Variants in DRC11 observed in about 807,000 individuals in gnomAD.
DRC11 encodes the protein IQ and AAA domain-containing protein 1.
chr2:236,460,672 C>T, the DRC11 span, among the ~76,000 whole-genome samples: 1 of 152,190 alleles, frequency 6.6e-6, no homozygotes, highest in Non-Finnish European at 1.5e-5. The surrounding 1 kb of genome is among the most constrained non-coding windows in gnomAD (Gnocchi z 4.0). Context: ...AACCCCACCA[C>T]TCTAGCGGCT....
chr2:236,491,371 T>A, the DRC11 span, among the ~76,000 whole-genome samples: 1 of 149,920 alleles, frequency 6.7e-6, no homozygotes, highest in East Asian at 2.0e-4. Flanking sequence ...TCTGAGCCCC[T>A]GGCACATGTG....
the DRC11 span, among the ~76,000 whole-genome samples, chr2:236,486,255 T>G: frequency 6.6e-6 from 1 of 152,156 alleles, no homozygotes; most frequent in Non-Finnish European, 1.5e-5. The surrounding 1 kb of genome is among the most constrained non-coding windows in gnomAD (Gnocchi z 5.7). Context: ...CAGTTGATCC[T>G]CAGTTGAGAC....
chr2:236,318,766 G>A, the DRC11 span, among the ~76,000 whole-genome samples: 1 of 152,116 alleles, frequency 6.6e-6, no homozygotes, highest in African/African-American at 2.4e-5. The surrounding 1 kb of genome is among the most constrained non-coding windows in gnomAD (Gnocchi z 7.0). Flanking sequence ...GTATGTATGT[G>A]TGCCGCCAGA....
At chr2:236,363,926 C>T in the DRC11 span, 17 of 1,613,980 alleles carry the variant, frequency 1.1e-5, no homozygotes, top group East Asian at 1.8e-4. The surrounding 1 kb of genome is among the most constrained non-coding windows in gnomAD (Gnocchi z 5.6). Flanking sequence ...CCAGACGGCC[C>T]GGCTAACAGT....
the DRC11 span, chr2:236,331,524 C>T: frequency 6.2e-7 from 1 of 1,613,994 alleles, no homozygotes; most frequent in Non-Finnish European, 8.5e-7. The surrounding 1 kb of genome is among the most constrained non-coding windows in gnomAD (Gnocchi z 4.8). Flanking sequence ...CGTCAGTGAC[C>T]TTCGCCAGGC....
the DRC11 span, among the ~76,000 whole-genome samples, chr2:236,500,113 GAT>G: frequency 1.8e-4 from 27 of 151,074 alleles, no homozygotes; most frequent in African/African-American, 6.2e-4. The surrounding 1 kb of genome is among the most constrained non-coding windows in gnomAD (Gnocchi z 6.3). Flanking sequence ...TGATGATGAT[GAT>G]GATGGCGAAG....
chr2:236,401,926 A>G, the DRC11 span, among the ~76,000 whole-genome samples: 1 of 152,130 alleles, frequency 6.6e-6, no homozygotes, highest in Non-Finnish European at 1.5e-5. This position sits in a 1 kb window ranked among gnomAD's most constrained non-coding sequence, Gnocchi z 4.6. Flanking sequence ...ACTCACTTAA[A>G]CTTATGTTCT....
At chr2:236,379,843 C>T in the DRC11 span, among the ~76,000 whole-genome samples, 134 of 133,352 alleles carry the variant, frequency 1.0e-3, no homozygotes, top group African/African-American at 3.6e-3. Flanking sequence ...AGCGACAGGA[C>T]CAAGGGAGAG....
the DRC11 span, among the ~76,000 whole-genome samples, chr2:236,492,268 A>G: frequency 6.6e-6 from 1 of 152,202 alleles, no homozygotes; most frequent in Non-Finnish European, 1.5e-5. Context: ...GGCTCCGCAG[A>G]ATGGGTACCA....
the DRC11 span, among the ~76,000 whole-genome samples, chr2:236,325,791 C>T: frequency 1.3e-5 from 2 of 151,988 alleles, no homozygotes; most frequent in Non-Finnish European, 2.9e-5. The surrounding 1 kb of genome is among the most constrained non-coding windows in gnomAD (Gnocchi z 4.4). Flanking sequence ...TTAGTAGAGA[C>T]GGGGTTTCAC....
At chr2:236,437,142 C>T in the DRC11 span, among the ~76,000 whole-genome samples, 2 of 139,918 alleles carry the variant, frequency 1.4e-5, no homozygotes, top group Non-Finnish European at 3.1e-5. Flanking sequence ...CTTCCTCTGT[C>T]CATGTGTTCT....
the DRC11 span, among the ~76,000 whole-genome samples, chr2:236,473,426 G>A: frequency 1.6e-4 from 25 of 152,188 alleles, no homozygotes; most frequent in Non-Finnish European, 3.2e-4. The surrounding 1 kb of genome is among the most constrained non-coding windows in gnomAD (Gnocchi z 4.8). Flanking sequence ...TTAGAATACA[G>A]CTTGCCTCAC....
At chr2:236,420,012 T>C in the DRC11 span, among the ~76,000 whole-genome samples, 3 of 152,316 alleles carry the variant, frequency 2.0e-5, no homozygotes, top group East Asian at 3.9e-4. The surrounding 1 kb of genome is among the most constrained non-coding windows in gnomAD (Gnocchi z 4.8). Flanking sequence ...TGACTTGTCA[T>C]GTGGCCAAGA....
At chr2:236,318,193 T>C in the DRC11 span, among the ~76,000 whole-genome samples, 8 of 144,558 alleles carry the variant, frequency 5.5e-5, no homozygotes, top group African/African-American at 2.0e-4. The surrounding 1 kb of genome is among the most constrained non-coding windows in gnomAD (Gnocchi z 7.0). Flanking sequence ...TTCCTGCAGC[T>C]GGGGGCTCCT....
chr2:236,340,043 C>A, the DRC11 span, among the ~76,000 whole-genome samples: 1 of 152,208 alleles, frequency 6.6e-6, no homozygotes, highest in East Asian at 1.9e-4. Flanking sequence ...AATGTCTTTC[C>A]ATTTATTTAG....
chr2:236,449,123 G>T, the DRC11 span, among the ~76,000 whole-genome samples: 13 of 151,844 alleles, frequency 8.6e-5, no homozygotes, highest in Admixed American at 8.5e-4. The surrounding 1 kb of genome is among the most constrained non-coding windows in gnomAD (Gnocchi z 5.1). Context: ...GCCTCCCAAA[G>T]TGCTGAGATT....
chr2:236,307,251 A>G, the DRC11 span, among the ~76,000 whole-genome samples: 2 of 152,142 alleles, frequency 1.3e-5, no homozygotes, highest in African/African-American at 4.8e-5. This position sits in a 1 kb window ranked among gnomAD's most constrained non-coding sequence, Gnocchi z 7.0. Flanking sequence ...ATCCGGCATG[A>G]GAAGAACCCA....
At chr2:236,368,280 G>C in the DRC11 span, 1 of 1,601,770 alleles carries the variant, frequency 6.2e-7, no homozygotes, top group South Asian at 1.1e-5. Context: ...GCGAAGAGTA[G>C]TCCCCAGGTA....
At chr2:236,414,814 T>C in the DRC11 span, among the ~76,000 whole-genome samples, 1 of 152,194 alleles carries the variant, frequency 6.6e-6, no homozygotes, top group African/African-American at 2.4e-5. Flanking sequence ...AAAGATCAAA[T>C]GCAGGCAAGA....
Sources: gnomAD v4.1 joint callset for allele counts (sites outside exome capture counted in the v4.1 genomes callset) on GRCh38, gnomAD v4.1.1 for gene constraint, Gnocchi (gnomAD v3.1) non-coding constraint, MANE v1.5 for transcripts, NCBI Gene and HGNC (gene_info 2026-07-23, HGNC 2026-07-21) for gene names.